Variants in SLC25A46 observed in about 807,000 individuals in gnomAD.
SLC25A46 encodes solute carrier family 25 member 46.
SLC25A46 carries 39 observed loss-of-function variants against 44.6 expected under a neutral mutation model. That is an observed-to-expected ratio of 0.87 (90% CI 0.68 to 1.14). SLC25A46 has a LOEUF of 1.14. SLC25A46 is among the 50% of genes most tolerant of loss of function. The probability of loss-of-function intolerance (pLI) is 0.00; values close to 1 mark genes in which losing one functional copy is unlikely to be tolerated. For missense variants in SLC25A46, 547 were observed against 522.7 expected (o/e 1.05, Z -0.45); for synonymous variants, 202 against 185.8 (o/e 1.09, Z -0.71).
intron 6 of SLC25A46, among the ~76,000 whole-genome samples, chr5:110,755,768 T>C (rs1391683948): frequency 6.6e-6 from 1 of 152,122 alleles, no homozygotes; most frequent in African/African-American, 2.4e-5. Flanking sequence ...GTATGTTTTC[T>C]TAGGAAGTTA....
At chr5:110,751,901 T>C (rs2150413264) in intron 5 of SLC25A46, among the ~76,000 whole-genome samples, 1 of 152,322 alleles carries the variant, frequency 6.6e-6, no homozygotes. Flanking sequence ...TGAAGTATAG[T>C]GTGAATATCT....
At chr5:110,759,693 G>T (rs1800200327) in intron 7 of SLC25A46, among the ~76,000 whole-genome samples, 1 of 152,124 alleles carries the variant, frequency 6.6e-6, no homozygotes, top group African/African-American at 2.4e-5. Context: ...TTGGGCTTTT[G>T]TTTGAGAAGG....
intron 5 of SLC25A46, among the ~76,000 whole-genome samples, chr5:110,750,100 A>C (rs1799925138): frequency 6.6e-6 from 1 of 152,122 alleles, no homozygotes; most frequent in Non-Finnish European, 1.5e-5. Context: ...AGGAAATGAA[A>C]GCAAGAGAAA....
At position 110,761,533 on chromosome 5, in the gene SLC25A46, A is replaced by G. The variant is rs753034037; in HGVS notation, c.1008A>G (p.Thr336=). The change falls in exon 8 of 8, where the codon ACA becomes ACG. Residue 336 remains threonine (T), a synonymous_variant. Coordinates refer to ENST00000355943, the MANE Select transcript of SLC25A46 (RefSeq NM_138773.4). This position sits in a 1 kb window ranked among gnomAD's most constrained non-coding sequence, Gnocchi z 5.3. The part of the protein sequence containing the change: ...CSDVILYPLE[T]VLHRLHIQGT... The stretch of plus-strand genomic sequence containing the variant: ...ACGTTATACTTTACCCATTGGAAAC[A>G]GTTTTGCACCGCCTTCACATTCAAG... 7 of 1,613,702 alleles carry G rather than the reference A, an allele frequency of 4.3e-6. No homozygotes were observed. The highest frequency in any genetic ancestry group is 2.2e-5 in the East Asian group (1 of 44,872).
At position 110,763,292 on chromosome 5, in the gene SLC25A46, G is replaced by A. The variant is rs746448515; in HGVS notation, c.*1510G>A. 2.0e-5 allele frequency: 3 copies of A among 151,818 alleles called. No homozygotes were observed. Among genetic ancestry groups the A allele is most frequent in the Non-Finnish European group, 4.4e-5 (3 of 67,842 alleles). 9.4% of individuals were successfully genotyped at this position (151,818 alleles called of 1,614,324 possible). ...TTCATTTTACTTGCTAAATGTCACA[G>A]AAATGGTTACTTTTTGCAAATAGTA... On this transcript the variant is annotated 3_prime_UTR_variant, in exon 8 of 8. Transcript: ENST00000355943.
At chr5:110,739,448 C>CGCGGCTT (rs752102974) in intron 1 of SLC25A46, 46 bp downstream of exon 1, 47 of 1,499,054 alleles carry the variant, frequency 3.1e-5, no homozygotes, top group Non-Finnish European at 4.0e-5. Flanking sequence ...TTACTGGGGC[C>CGCGGCTT]GCGGCTTGCG....
intron 5 of SLC25A46, 101 bp from the exon 6 acceptor site, chr5:110,755,363 GA>G: frequency 4.3e-6 from 3 of 697,856 alleles, no homozygotes; most frequent in Admixed American, 3.0e-5. Context: ...CCTACAGATT[GA>G]AAAAAATTAG....
rs982443387 is a variant in SLC25A46, at chr5:110,747,478, G to A, written c.463-685G>A. On this transcript the variant is annotated intron_variant, in intron 4 of 7. Transcript: ENST00000355943. Reference sequence around the variant, plus strand: ...TGAGGACTGGGATGAAAAGGAGACAGACTTTTCAGCTGATACCCTATTGCT... The same window carrying A: ...TGAGGACTGGGATGAAAAGGAGACAAACTTTTCAGCTGATACCCTATTGCT... Among the ~76,000 whole-genome samples, 5 of 152,202 alleles carry A rather than the reference G, an allele frequency of 3.3e-5. No individual in the cohort carries two copies. In the East Asian group the frequency reaches 9.6e-4, roughly 29 times the overall value.
chr5:110,753,640 T>G (rs957165840), intron 5 of SLC25A46: 1 of 152,128 alleles, frequency 6.6e-6, no homozygotes, highest in Non-Finnish European at 1.5e-5. Context: ...GCTGTAACAG[T>G]AAATTTTACC....
chr5:110,738,841 T>C (rs1580848552), upstream of SLC25A46: 1 of 646,276 alleles, frequency 1.5e-6, no homozygotes, highest in Admixed American at 3.6e-5. Context: ...CTGTGTTTCA[T>C]TAATCCCACA....
At chr5:110,746,059 G>T in intron 3 of SLC25A46, 1 of 490,266 alleles carries the variant, frequency 2.0e-6, no homozygotes, top group East Asian at 4.0e-5. Flanking sequence ...TTATGCATTG[G>T]TCTTCAGATT....
intron 2 of SLC25A46, 117 bp from the exon 3 acceptor site, chr5:110,743,613 T>C (rs978037167): frequency 3.7e-6 from 2 of 533,498 alleles, no homozygotes; most frequent in Non-Finnish European, 6.4e-6. Context: ...TGTTTAAGAA[T>C]GGAAAACATA....
In SLC25A46 at chr5:110,739,102, C is replaced by T; in HGVS notation, c.-18C>T. 6.5e-7 allele frequency: 1 copy of T among 1,543,156 alleles called. No individual in the cohort carries two copies. Among genetic ancestry groups the T allele is most frequent in the South Asian group, 1.2e-5 (1 of 83,846 alleles). On this transcript the variant is annotated 5_prime_UTR_variant, in exon 1 of 8. Coordinates refer to ENST00000355943, the MANE Select transcript of SLC25A46 (RefSeq NM_138773.4). The stretch of plus-strand genomic sequence containing the variant: ...TGGTGGGCTCCGGGCGGGCTCGCGT[C>T]ATCCTGCCCCCGCTGCGATGCATCC...
intron 5 of SLC25A46, 45 bp downstream of exon 5, chr5:110,748,308 G>A (rs748118722): frequency 1.3e-6 from 2 of 1,508,154 alleles, no homozygotes; most frequent in African/African-American, 2.8e-5. Flanking sequence ...ATGTGGTGAT[G>A]TGTTTTTAGA....
intron 2 of SLC25A46, among the ~76,000 whole-genome samples, chr5:110,742,422 G>A (rs1325609518): frequency 1.3e-5 from 2 of 151,858 alleles, no homozygotes; most frequent in African/African-American, 4.8e-5. Flanking sequence ...TTTAGAATGG[G>A]GTTCATGAAG....
rs1384193452 is a variant in SLC25A46, at chr5:110,749,602, C to G, written c.563+1339C>G. ...GCATAAGATGTAGGACAATCATGTT[C>G]TAGAAACCAAAAATGGGAGAATTAG... On this transcript the variant is annotated intron_variant, in intron 5 of 7. Coordinates refer to ENST00000355943, the MANE Select transcript of SLC25A46 (RefSeq NM_138773.4). Among the ~76,000 whole-genome samples the G allele has an allele frequency of 2.0e-5, 3 of 151,692 alleles. No individual in the cohort carries two copies. In the East Asian group the frequency reaches 5.8e-4, roughly 29 times the overall value.
rs1800316765 is a variant in SLC25A46 at position 110,763,666 on chromosome 5, A to C, written c.*1884A>C. 6.6e-6 allele frequency: 1 copy of C among 151,870 alleles called. No individual in the cohort carries two copies. Among genetic ancestry groups the C allele is most frequent in the Non-Finnish European group, 1.5e-5 (1 of 67,856 alleles). The allele number at this position is 151,870 out of a possible 1,614,324, so 9.4% of individuals were successfully genotyped here. On this transcript the variant is annotated 3_prime_UTR_variant, in exon 8 of 8. Coordinates refer to ENST00000355943, the MANE Select transcript of SLC25A46 (RefSeq NM_138773.4). ...AATCTGTAGGATCCTTTGTTTAGCT[A>C]AAAATTAAATATTTCAGGATATTTT...
intron 3 of SLC25A46, among the ~76,000 whole-genome samples, chr5:110,744,189 G>T (rs551015045): frequency 6.6e-6 from 1 of 152,158 alleles, no homozygotes; most frequent in Non-Finnish European, 1.5e-5. Context: ...GTTGCATCAC[G>T]TGGTTTTTGA....
chr5:110,757,690 T>C (rs1297376285), intron 7 of SLC25A46, among the ~76,000 whole-genome samples: 1 of 152,132 alleles, frequency 6.6e-6, no homozygotes, highest in Non-Finnish European at 1.5e-5. Flanking sequence ...GCATTTGGCA[T>C]TGTGTTAAAT....
Sources: allele counts gnomAD v4.1 joint callset (sites outside exome capture counted in the v4.1 genomes callset), GRCh38; gene constraint gnomAD v4.1.1; non-coding constraint Gnocchi (gnomAD v3.1); transcripts MANE v1.5; gene names NCBI Gene and HGNC (gene_info 2026-07-23, HGNC 2026-07-21).